The following SOX5 variants were observed in gnomAD, a reference collection of about 807,000 sequenced individuals.
The protein encoded by SOX5 is transcription factor SOX-5.
Under a neutral mutation model 92.0 loss-of-function variants are expected in SOX5, and 9 were observed. The ratio of observed to expected loss-of-function variants is 0.10; its 90% CI spans 0.06 to 0.17. The LOEUF is 0.17. Ranked by LOEUF, SOX5 falls within the 10% of genes least tolerant of loss-of-function variation. The pLI, the probability that SOX5 is intolerant of heterozygous loss-of-function variation, is 1.00. For synonymous variants in SOX5, 344 were observed against 336.3 expected (o/e 1.02, Z -0.25); for missense variants, 642 against 944.5 (o/e 0.68, Z 4.20).
intron 6 of SOX5, among the ~76,000 whole-genome samples, chr12:23,677,324 G>A (rs183090953): frequency 2.4e-4 from 36 of 152,198 alleles, no homozygotes; most frequent in Non-Finnish European, 3.8e-4. Context: ...CTGCATTTAC[G>A]TGTTCTTTAA....
intron 3 of SOX5, among the ~76,000 whole-genome samples, chr12:23,804,002 G>C (rs1490508106): frequency 6.6e-6 from 1 of 152,142 alleles, no homozygotes; most frequent in Admixed American, 6.5e-5. Flanking sequence ...ACAACAAAAA[G>C]TTATAGGTTT....
At chr12:24,098,907 G>C (rs1252535595) in intron 4 of SOX5, among the ~76,000 whole-genome samples, 1 of 152,140 alleles carries the variant, frequency 6.6e-6, no homozygotes, top group Non-Finnish European at 1.5e-5. Context: ...CCCAAGTACA[G>C]CTTTCTTGTT....
chr12:24,375,736 C>CAA (rs34949948), intron 1 of SOX5, among the ~76,000 whole-genome samples: 1,548 of 120,254 alleles, frequency 0.013, 38 homozygotes, highest in African/African-American at 0.042. Flanking sequence ...AACTCTGTCT[C>CAA]AAAAAAAAAA....
At chr12:23,771,064 A>G (rs1177096621) in intron 3 of SOX5, among the ~76,000 whole-genome samples, 1 of 152,078 alleles carries the variant, frequency 6.6e-6, no homozygotes, top group Non-Finnish European at 1.5e-5. Flanking sequence ...GAATCAGATT[A>G]TTATAAATTT....
At chr12:24,220,134 A>G (rs1960053696) in intron 3 of SOX5, among the ~76,000 whole-genome samples, 1 of 152,114 alleles carries the variant, frequency 6.6e-6, no homozygotes, top group Non-Finnish European at 1.5e-5. Flanking sequence ...GTATATAAAT[A>G]AATAATGTGA....
At chr12:24,095,935 T>G (rs1593120044) in intron 4 of SOX5, among the ~76,000 whole-genome samples, 1 of 152,184 alleles carries the variant, frequency 6.6e-6, no homozygotes, top group Non-Finnish European at 1.5e-5. Flanking sequence ...TCAATTAAAC[T>G]TCTTTCCTTT....
At chr12:24,244,825 G>A (rs1476981357) in intron 3 of SOX5, among the ~76,000 whole-genome samples, 2 of 152,148 alleles carry the variant, frequency 1.3e-5, no homozygotes, top group African/African-American at 2.4e-5. Flanking sequence ...CCCAAGTGGT[G>A]GGATTACAGG....
chr12:23,867,021 T>C lies in SOX5; in HGVS notation c.271-20828A>G, dbSNP rs551461720. Among the ~76,000 whole-genome samples the C allele has an allele frequency of 1.1e-4, 16 of 148,850 alleles. No homozygotes were observed. In the South Asian group the frequency reaches 3.3e-3, roughly 31 times the overall value. On this transcript the variant is annotated intron_variant, in intron 2 of 14. Transcript: ENST00000451604. ...TTGCTTTCCCCTGGCCATGCGTTCC[T>C]TATTTTCTCAACTCCACGCCTCTCC... is the stretch of plus-strand genomic sequence containing the variant.
chr12:24,062,906 A>C (rs775905289), intron 4 of SOX5, among the ~76,000 whole-genome samples: 1 of 152,288 alleles, frequency 6.6e-6, no homozygotes, highest in African/African-American at 2.4e-5. Context: ...TCCTAACAAC[A>C]ACTCCTGGGA....
chr12:23,588,721 GCACACACACACA>G (rs56083228), intron 9 of SOX5, among the ~76,000 whole-genome samples: 15 of 149,436 alleles, frequency 1.0e-4, no homozygotes, highest in Admixed American at 1.3e-4. Flanking sequence ...ATGGGATAGT[GCACACACACACA>G]CACACACACA....
At chr12:23,655,468 T>C (rs1451177660) in intron 7 of SOX5, among the ~76,000 whole-genome samples, 2 of 152,288 alleles carry the variant, frequency 1.3e-5, no homozygotes, top group African/African-American at 2.4e-5. Flanking sequence ...TTTCAAGTAT[T>C]AGAGAGTAGG....
rs528278206 is a variant in SOX5 at position 23,851,129 on chromosome 12, T to C, written c.271-4936A>G. ...GATAAAAGTTTACCCCTTATCAAGA[T>C]AAAAGTTTATTTAAGGTATATATGT... On this transcript the variant is annotated intron_variant, in intron 2 of 14. Coordinates refer to ENST00000451604, the MANE Select transcript of SOX5 (RefSeq NM_006940.6). 8.5e-5 allele frequency among the ~76,000 whole-genome samples: 13 copies of C among 152,200 alleles called. No homozygotes were observed. The Middle Eastern group carries it at 0.01, about 119-fold the overall frequency.
At position 24,181,405 on chromosome 12, in the gene SOX5, T is replaced by A. The variant is rs573177098; in HGVS notation, c.-2+31938A>T. Reference sequence around the variant, plus strand: ...GGATGACCAGGCTAAAATAAATACATCTAAATGAATGACTGAATGGTAAAA... The same window carrying A: ...GGATGACCAGGCTAAAATAAATACAACTAAATGAATGACTGAATGGTAAAA... On this transcript the variant is annotated intron_variant, in intron 4 of 4. Coordinates refer to the SOX5 transcript ENST00000446891. Among the ~76,000 whole-genome samples, 119 of 152,272 alleles carry A rather than the reference T, an allele frequency of 7.8e-4. No homozygotes were observed. The Middle Eastern group carries it at 0.01, about 13-fold the overall frequency.
intron 6 of SOX5, among the ~76,000 whole-genome samples, chr12:23,728,159 AAAG>A (rs1287119086): frequency 2.6e-5 from 4 of 152,312 alleles, no homozygotes; most frequent in South Asian, 4.1e-4. Context: ...CAGAAAATAC[AAAG>A]AAGAAAGTCA....
chr12:23,731,668 A>G (rs893973715), intron 6 of SOX5, among the ~76,000 whole-genome samples: 1 of 152,200 alleles, frequency 6.6e-6, no homozygotes, highest in African/African-American at 2.4e-5. Context: ...AAAATTGCCC[A>G]GCTCTAACTC....
intron 1 of SOX5, among the ~76,000 whole-genome samples, chr12:24,404,171 T>C (rs568608633): frequency 1.3e-5 from 2 of 152,330 alleles, no homozygotes; most frequent in East Asian, 3.9e-4. Flanking sequence ...TAGCTAACAG[T>C]TTACCCTTTT....
At chr12:23,796,929 G>A (rs943249988) in intron 3 of SOX5, among the ~76,000 whole-genome samples, 2 of 145,314 alleles carry the variant, frequency 1.4e-5, no homozygotes, top group African/African-American at 5.1e-5. Context: ...ATACTCAGCA[G>A]AGCTAAGTTT....
chr12:23,890,972 T>C (rs1016630551), intron 2 of SOX5, among the ~76,000 whole-genome samples: 18 of 152,332 alleles, frequency 1.2e-4, no homozygotes, highest in Admixed American at 1.0e-3. Flanking sequence ...AATGTTGCTC[T>C]TAATTGCTTG....
At chr12:23,782,716 C>A (rs1308166703) in intron 3 of SOX5, among the ~76,000 whole-genome samples, 1 of 152,106 alleles carries the variant, frequency 6.6e-6, no homozygotes, top group Admixed American at 6.5e-5. Context: ...AAAGATTTAT[C>A]TCTTTCTACA....
Sources: gnomAD v4.1 joint callset for allele counts (sites outside exome capture counted in the v4.1 genomes callset) on GRCh38, gnomAD v4.1.1 for gene constraint, MANE v1.5 for transcripts, NCBI Gene and HGNC (gene_info 2026-07-23, HGNC 2026-07-21) for gene names.